The following PTPRN2 variants were observed in gnomAD, a reference collection of about 807,000 sequenced individuals.
PTPRN2 encodes the protein protein tyrosine phosphatase receptor type N2, also known as receptor-type tyrosine-protein phosphatase N2.
In PTPRN2, 74 loss-of-function variants were observed where a neutral mutation model predicts 118.8. The ratio of observed to expected loss-of-function variants is 0.62; its 90% CI spans 0.52 to 0.76. The LOEUF (loss-of-function observed/expected upper bound fraction) is 0.76, where lower values mean the gene tolerates loss of function less well. Among genes scored for constraint, PTPRN2 ranks in the 30% least tolerant of loss-of-function variants. PTPRN2 has a pLI of 0.00. For missense variants in PTPRN2, 1,481 were observed against 1,394.4 expected (o/e 1.06, Z -0.99); for synonymous variants, 641 against 608.0 (o/e 1.05, Z -0.80).
intron 5 of PTPRN2, among the ~76,000 whole-genome samples, chr7:158,170,182 C>G (rs1175004984): frequency 6.6e-6 from 1 of 152,196 alleles, no homozygotes; most frequent in African/African-American, 2.4e-5. Context: ...GCCACCACAA[C>G]AAACAGCCCC....
chr7:157,697,014 C>T (rs1428645905), intron 12 of PTPRN2, among the ~76,000 whole-genome samples: 1 of 85,374 alleles, frequency 1.2e-5, no homozygotes, highest in Admixed American at 1.2e-4. Context: ...CACCATCTAC[C>T]CATGCATACT....
chr7:158,188,186 C>T (rs77330771), intron 5 of PTPRN2, among the ~76,000 whole-genome samples: 5,554 of 54,034 alleles, frequency 0.1, 708 homozygotes, highest in Admixed American at 0.14. Context: ...GCTCGCCCCG[C>T]GATGGGGAAG....
chr7:157,763,931 G>A lies in PTPRN2; in HGVS notation c.1789-80994C>T, dbSNP rs982777465. Among the ~76,000 whole-genome samples, 3 of 152,110 alleles carry A rather than the reference G, an allele frequency of 2.0e-5. No individual in the cohort carries two copies. The highest frequency in any genetic ancestry group is 4.4e-5 in the Non-Finnish European group (3 of 68,036). On this transcript the variant is annotated intron_variant, in intron 12 of 22. Coordinates refer to ENST00000389418, the MANE Select transcript of PTPRN2 (RefSeq NM_002847.5). The surrounding 1 kb of genome is among the most constrained non-coding windows in gnomAD (Gnocchi z 4.9). ...ACACCTCATATTCAGTCTAACCTGT[G>A]ACCATTTTCCAAACACTCTCATGTT...
At chr7:158,381,877 C>T (rs1810989343) in intron 2 of PTPRN2, among the ~76,000 whole-genome samples, 1 of 152,138 alleles carries the variant, frequency 6.6e-6, no homozygotes, top group Non-Finnish European at 1.5e-5. Context: ...GAGAAACTCC[C>T]CCTTATAGAA....
chr7:158,107,839 G>A (rs1815809674), intron 10 of PTPRN2, among the ~76,000 whole-genome samples: 1 of 150,674 alleles, frequency 6.6e-6, no homozygotes, highest in South Asian at 2.1e-4. Context: ...ATCTGCATCT[G>A]CCCTGCACCT....
chr7:157,876,348 C>G (rs932748925), intron 12 of PTPRN2, among the ~76,000 whole-genome samples: 3 of 152,170 alleles, frequency 2.0e-5, no homozygotes, highest in Non-Finnish European at 4.4e-5. Context: ...CATGGAGAAG[C>G]CTGAATTAAC....
chr7:157,996,041 T>G (rs551783929), intron 11 of PTPRN2, among the ~76,000 whole-genome samples: 2 of 152,280 alleles, frequency 1.3e-5, no homozygotes, highest in Non-Finnish European at 2.9e-5. Flanking sequence ...TGGAATACTA[T>G]TCAGCCATAA....
intron 2 of PTPRN2, among the ~76,000 whole-genome samples, chr7:158,471,867 G>C (rs912416873): frequency 1.4e-4 from 21 of 152,362 alleles, no homozygotes; most frequent in Middle Eastern, 3.4e-3. Flanking sequence ...TCTCAGGCTG[G>C]GTGCGTGTCT....
chr7:157,941,453 A>G (rs1172587948), intron 11 of PTPRN2, among the ~76,000 whole-genome samples: 2 of 128,990 alleles, frequency 1.6e-5, no homozygotes, highest in East Asian at 5.3e-4. Context: ...CCTCCCCACC[A>G]TGACACTGCA....
At chr7:158,272,849 G>A (rs1340007963) in intron 3 of PTPRN2, among the ~76,000 whole-genome samples, 1 of 152,188 alleles carries the variant, frequency 6.6e-6, no homozygotes, top group African/African-American at 2.4e-5. Flanking sequence ...GTGGATGGAA[G>A]GATCAGGAAT....
intron 2 of PTPRN2, among the ~76,000 whole-genome samples, chr7:158,400,177 C>T (rs917075003): frequency 2.0e-5 from 3 of 152,202 alleles, no homozygotes; most frequent in Non-Finnish European, 4.4e-5. Context: ...CTTACGAGGC[C>T]CCCACAAACA....
intron 12 of PTPRN2, among the ~76,000 whole-genome samples, chr7:157,896,412 G>A (rs1330573871): frequency 6.6e-6 from 1 of 152,190 alleles, no homozygotes; most frequent in Non-Finnish European, 1.5e-5. Flanking sequence ...TGAAAGGGTG[G>A]CCATGGAGGT....
chr7:158,562,475 C>A (rs1827449127), intron 1 of PTPRN2, among the ~76,000 whole-genome samples: 1 of 152,168 alleles, frequency 6.6e-6, no homozygotes, highest in African/African-American at 2.4e-5. Flanking sequence ...TCCATCTGCC[C>A]TTTACATGAA....
At position 157,598,167 on chromosome 7, in the gene PTPRN2, C is replaced by T. The variant is rs368793566; in HGVS notation, c.2419-2852G>A. ...CCAATGAGGGCATCTGCGTGACAAC[C>T]GGACATGGTGGGTGTGTGTCCCTCT... is the stretch of plus-strand genomic sequence containing the variant. On this transcript the variant is annotated intron_variant, in intron 16 of 22. Transcript: ENST00000389418. This position sits in a 1 kb window ranked among gnomAD's most constrained non-coding sequence, Gnocchi z 5.2. Among the ~76,000 whole-genome samples the T allele has an allele frequency of 3.3e-5, 5 of 152,206 alleles. No individual in the cohort carries two copies. The highest frequency in any genetic ancestry group is 7.2e-5 in the African/African-American group (3 of 41,440).
chr7:158,333,327 C>G (rs60317841), intron 2 of PTPRN2, among the ~76,000 whole-genome samples: 6 of 85,560 alleles, frequency 7.0e-5, no homozygotes, highest in East Asian at 4.4e-4. Flanking sequence ...CACACCCACA[C>G]TGTCACCATA....
chr7:157,584,249 A>G (rs1038259370), intron 17 of PTPRN2, among the ~76,000 whole-genome samples: 2 of 152,148 alleles, frequency 1.3e-5, no homozygotes, highest in Admixed American at 6.5e-5. Context: ...ATCTTTTGTG[A>G]TGAGTCCCTT....
At chr7:158,201,268 CA>C in intron 4 of PTPRN2, among the ~76,000 whole-genome samples, 1 of 152,136 alleles carries the variant, frequency 6.6e-6, no homozygotes, top group Non-Finnish European at 1.5e-5. Context: ...TTTTAAAAAC[CA>C]TAATAGTGAG....
intron 12 of PTPRN2, among the ~76,000 whole-genome samples, chr7:157,719,488 G>A (rs539599787): frequency 2.0e-5 from 3 of 152,350 alleles, no homozygotes; most frequent in Non-Finnish European, 2.9e-5. Context: ...GCCCGGCTCC[G>A]GCCATGCCCT....
chr7:157,667,645 G>T (rs1295913325), intron 13 of PTPRN2, among the ~76,000 whole-genome samples: 1 of 152,204 alleles, frequency 6.6e-6, no homozygotes, highest in Non-Finnish European at 1.5e-5. Context: ...GAGTAACTAG[G>T]CATTTTTAAA....
Sources: gnomAD v4.1 joint callset for allele counts (sites outside exome capture counted in the v4.1 genomes callset) on GRCh38, gnomAD v4.1.1 for gene constraint, Gnocchi (gnomAD v3.1) non-coding constraint, MANE v1.5 for transcripts, NCBI Gene and HGNC (gene_info 2026-07-23, HGNC 2026-07-21) for gene names.